The following HRH1 variants were observed in gnomAD, a reference collection of about 807,000 sequenced individuals.
HRH1 encodes histamine receptor H1.
A neutral mutation model predicts 10.3 loss-of-function variants in HRH1; 6 were observed. The observed-to-expected ratio is 0.58, with a 90% confidence interval of 0.32 to 1.15. The LOEUF is 1.15. HRH1 is among the 50% of genes most tolerant of loss of function. The probability of loss-of-function intolerance (pLI) is 0.05; values close to 1 mark genes in which losing one functional copy is unlikely to be tolerated. For synonymous variants in HRH1, 242 were observed against 236.7 expected, an observed-to-expected ratio of 1.02 and a Z score of -0.21; for missense variants, 514 against 615.3, an observed-to-expected ratio of 0.84 and a Z score of 1.74.
chr3:11,162,405 G>A (rs1936944511), intron 1 of HRH1, among the ~76,000 whole-genome samples: 1 of 151,708 alleles, frequency 6.6e-6, no homozygotes, highest in Admixed American at 6.6e-5. Flanking sequence ...CCTAGCACCT[G>A]CTATTATCTG....
intron 1 of HRH1, among the ~76,000 whole-genome samples, chr3:11,205,035 C>T (rs924375621): frequency 6.6e-6 from 1 of 152,176 alleles, no homozygotes; most frequent in African/African-American, 2.4e-5. Context: ...TTCCATTAAG[C>T]CTAATTAAGA....
At chr3:11,176,079 A>G (rs1248739953) in intron 1 of HRH1, among the ~76,000 whole-genome samples, 1 of 151,900 alleles carries the variant, frequency 6.6e-6, no homozygotes, top group Non-Finnish European at 1.5e-5. Flanking sequence ...AGGCTGAAGT[A>G]GAAGGATCAC....
rs777388414 is a variant in HRH1, at chr3:11,260,262, C to T, written c.1225C>T (p.Arg409Cys). ...GTATGTATCTGGGTTGCACATGAAC[C>T]GCGAAAGGAAGGCCGCCAAACAGTT... ...RQYVSGLHMN[R>C]ERKAAKQLGF... Residue 409 changes from arginine to cysteine, a missense_variant, in exon 2 of 2, where the codon CGC becomes TGC. By Grantham distance (180) the Arg-to-Cys change is radical (BLOSUM62 -3). Transcript: ENST00000431010. 29 of 1,613,980 alleles carry T rather than the reference C, an allele frequency of 1.8e-5. No homozygotes were observed. Among genetic ancestry groups the T allele is most frequent in the Admixed American group, 3.3e-5 (2 of 59,986 alleles).
chr3:11,247,548 T>C (rs1939521893), intron 1 of HRH1, among the ~76,000 whole-genome samples: 1 of 151,994 alleles, frequency 6.6e-6, no homozygotes, highest in Non-Finnish European at 1.5e-5. Flanking sequence ...TGTCCCTTAC[T>C]AGGTGGGAAG....
rs146194536 is a variant in HRH1 at position 11,156,482 on chromosome 3, C to G, written c.-36+1928C>G. ...TTCTGTGTTGGCACTTTCCTCTTCA[C>G]AATGAAGGAGTGCCTGGCTTTTCCT... On this transcript the variant is annotated intron_variant, in intron 1 of 1. Transcript: ENST00000431010. Among the ~76,000 whole-genome samples the G allele has an allele frequency of 3.5e-3, 536 of 152,272 alleles. 4 individuals carry two copies. Among genetic ancestry groups the G allele is most frequent in the Non-Finnish European group, 6.3e-3 (429 of 68,014 alleles).
In HRH1 at chr3:11,202,427, T is replaced by TAAATAAAC. The variant is rs1937960399; in HGVS notation, c.-36+47880_-36+47881insCAAATAAA. 2.7e-5 allele frequency among the ~76,000 whole-genome samples: 4 copies of TAAATAAAC among 149,620 alleles called. No individual in the cohort carries two copies. In the South Asian group the frequency reaches 8.6e-4, roughly 32 times the overall value. ...CTCAATAAATAAATAAATAAATAAA[T>TAAATAAAC]AAATAAATAATTAATTAAAAATAAA... On this transcript the variant is annotated intron_variant, in intron 1 of 1. Transcript: ENST00000431010.
intron 1 of HRH1, among the ~76,000 whole-genome samples, chr3:11,201,687 C>T (rs1937917063): frequency 1.3e-5 from 2 of 152,156 alleles, no homozygotes; most frequent in Non-Finnish European, 2.9e-5. Flanking sequence ...TTCCAGGTGT[C>T]ACCAGGGCTG....
chr3:11,164,561 A>C (rs1936994628), intron 1 of HRH1, among the ~76,000 whole-genome samples: 1 of 150,082 alleles, frequency 6.7e-6, no homozygotes, highest in African/African-American at 2.5e-5. Flanking sequence ...AATCTTGCAC[A>C]CAAAGATATT....
intron 1 of HRH1, among the ~76,000 whole-genome samples, chr3:11,184,612 A>G (rs550411950): frequency 1.3e-5 from 2 of 152,300 alleles, no homozygotes; most frequent in African/African-American, 2.4e-5. Flanking sequence ...TCCAAGCACA[A>G]GGAAAAGAAT....
chr3:11,197,124 C>CA (rs11330219), intron 1 of HRH1, among the ~76,000 whole-genome samples: 40,136 of 105,554 alleles, frequency 0.38, 6,952 homozygotes, highest in East Asian at 0.49. Context: ...GACTCCATCT[C>CA]AAAAAAAAAA....
intron 1 of HRH1, among the ~76,000 whole-genome samples, chr3:11,198,995 T>A (rs775682626): frequency 6.6e-6 from 1 of 151,618 alleles, no homozygotes; most frequent in African/African-American, 2.4e-5. Flanking sequence ...ACTATCTCAG[T>A]TCATTGCAGC....
intron 1 of HRH1, among the ~76,000 whole-genome samples, chr3:11,187,520 C>G (rs760346638): frequency 1.3e-5 from 2 of 152,128 alleles, no homozygotes; most frequent in East Asian, 3.8e-4. Context: ...GCAAAACCTA[C>G]CCTGCTCACC....
intron 1 of HRH1, among the ~76,000 whole-genome samples, chr3:11,184,213 A>G (rs1320891473): frequency 1.3e-5 from 2 of 152,166 alleles, no homozygotes; most frequent in African/African-American, 4.8e-5. Context: ...AACTTACTAT[A>G]TCTGACAGGC....
intron 1 of HRH1, among the ~76,000 whole-genome samples, chr3:11,197,218 G>A (rs1005177482): frequency 9.9e-5 from 15 of 151,798 alleles, no homozygotes; most frequent in Admixed American, 2.6e-4. Context: ...TCATGAGCAT[G>A]TTAAATCTGA....
At chr3:11,258,548 T>G (rs1342516730) in intron 1 of HRH1, among the ~76,000 whole-genome samples, 1 of 152,214 alleles carries the variant, frequency 6.6e-6, no homozygotes, top group African/African-American at 2.4e-5. Context: ...CTGTTTGACA[T>G]CCTCATCCTA....
chr3:11,174,275 G>A (rs956880311), intron 1 of HRH1, among the ~76,000 whole-genome samples: 5 of 152,194 alleles, frequency 3.3e-5, no homozygotes, highest in Non-Finnish European at 7.3e-5. Flanking sequence ...ACTTGATCAA[G>A]ACCAGATTCC....
At chr3:11,223,289 C>G (rs11921966) in intron 1 of HRH1, among the ~76,000 whole-genome samples, 22,968 of 146,358 alleles carry the variant, frequency 0.16, 2,341 homozygotes, top group South Asian at 0.33. Context: ...GTTAGGAGAT[C>G]GAGACCATCC....
At position 11,165,174 on chromosome 3, in the gene HRH1, A is replaced by T. The variant is rs556221583; in HGVS notation, c.-36+10620A>T. Among the ~76,000 whole-genome samples, 4 of 152,336 alleles carry T rather than the reference A, an allele frequency of 2.6e-5. No homozygotes were observed. In the South Asian group the frequency reaches 8.3e-4, roughly 32 times the overall value. Reference sequence around the variant, plus strand: ...CTCATAAGTAACAAGGTTGAAATGGAGATCCTTGACTCCTTCACTGTGCTG... The same window carrying T: ...CTCATAAGTAACAAGGTTGAAATGGTGATCCTTGACTCCTTCACTGTGCTG... On this transcript the variant is annotated intron_variant, in intron 1 of 1. Coordinates refer to ENST00000431010, the MANE Select transcript of HRH1 (RefSeq NM_001098212.2).
At chr3:11,202,624 T>C (rs1269159889) in intron 1 of HRH1, among the ~76,000 whole-genome samples, 2 of 152,094 alleles carry the variant, frequency 1.3e-5, no homozygotes, top group African/African-American at 2.4e-5. Context: ...CAAGCAGTCT[T>C]AGGGTCACAG....
Sources: allele counts gnomAD v4.1 joint callset (sites outside exome capture counted in the v4.1 genomes callset), GRCh38; gene constraint gnomAD v4.1.1; transcripts MANE v1.5; gene names NCBI Gene and HGNC (gene_info 2026-07-23, HGNC 2026-07-21).